The following TRIM44 variants were observed in gnomAD, a reference collection of about 807,000 sequenced individuals.
TRIM44 encodes the protein tripartite motif-containing protein 44.
Under a neutral mutation model 37.4 loss-of-function variants are expected in TRIM44, and 13 were observed. That is an observed-to-expected ratio of 0.35 (90% CI 0.23 to 0.55). The LOEUF is 0.55. TRIM44 is among the 20% of genes least tolerant of loss of function. The pLI is 0.89. For synonymous variants in TRIM44, 175 were observed against 157.2 expected, an observed-to-expected ratio of 1.11 and a Z score of -0.85; for missense variants, 426 against 437.2, an observed-to-expected ratio of 0.97 and a Z score of 0.23.
intron 2 of TRIM44, among the ~76,000 whole-genome samples, chr11:35,688,518 A>G (rs1851605908): frequency 6.6e-6 from 1 of 152,312 alleles, no homozygotes; most frequent in East Asian, 1.9e-4. Context: ...TCTATGTAGT[A>G]CCTTTTCAAA....
chr11:35,688,328 T>G (rs1851603999), intron 2 of TRIM44, among the ~76,000 whole-genome samples: 1 of 152,206 alleles, frequency 6.6e-6, no homozygotes, highest in Non-Finnish European at 1.5e-5. Flanking sequence ...AATGAGTTAA[T>G]TTTTACCTCT....
chr11:35,790,336 C>T (rs980501946), intron 4 of TRIM44, among the ~76,000 whole-genome samples: 1 of 152,178 alleles, frequency 6.6e-6, no homozygotes, highest in Non-Finnish European at 1.5e-5. Flanking sequence ...GGACTTTAGG[C>T]TTAATGGCTT....
At chr11:35,734,790 C>A (rs1188152292) in intron 3 of TRIM44, among the ~76,000 whole-genome samples, 1 of 152,110 alleles carries the variant, frequency 6.6e-6, no homozygotes, top group African/African-American at 2.4e-5. Flanking sequence ...AAGAGAAGAG[C>A]CATTGTTTGA....
intron 4 of TRIM44, among the ~76,000 whole-genome samples, chr11:35,771,111 T>G (rs1852863835): frequency 6.6e-6 from 1 of 152,120 alleles, no homozygotes; most frequent in Non-Finnish European, 1.5e-5. Flanking sequence ...TGGAACAGTT[T>G]GGAGGGCTCA....
chr11:35,703,541 C>A (rs1851828463), intron 2 of TRIM44, among the ~76,000 whole-genome samples: 2 of 152,280 alleles, frequency 1.3e-5, no homozygotes, highest in South Asian at 4.1e-4. Context: ...CCTCACACGG[C>A]CGGGTACTCC....
At chr11:35,775,865 G>A (rs11517926) in intron 4 of TRIM44, among the ~76,000 whole-genome samples, 7 of 152,128 alleles carry the variant, frequency 4.6e-5, no homozygotes, top group Non-Finnish European at 1.0e-4. Context: ...TGCTGGATTC[G>A]GTTTGCCAGT....
intron 4 of TRIM44, among the ~76,000 whole-genome samples, chr11:35,747,851 T>C (rs1408983797): frequency 6.7e-6 from 1 of 148,374 alleles, no homozygotes; most frequent in Non-Finnish European, 1.5e-5. Flanking sequence ...AGCAGTTTAA[T>C]TCCAGAACTG....
chr11:35,763,665 C>T (rs1852757164), intron 4 of TRIM44, among the ~76,000 whole-genome samples: 1 of 152,146 alleles, frequency 6.6e-6, no homozygotes, highest in South Asian at 2.1e-4. Context: ...GGGAGTGGTG[C>T]TATTGGGAGG....
rs544211526 is a variant in TRIM44, at chr11:35,814,528, C to G, written c.*8143C>G. 2 of 152,244 alleles carry G rather than the reference C, an allele frequency of 1.3e-5. No homozygotes were observed. The highest frequency in any genetic ancestry group is 4.8e-5 in the African/African-American group (2 of 41,550). The allele number at this position is 152,244 out of a possible 1,614,324, so 9.4% of individuals were successfully genotyped here. A position where few individuals can be genotyped will look rare whatever the true frequency, so the allele number is the denominator to read the frequency against. On this transcript the variant is annotated 3_prime_UTR_variant, in exon 5 of 5. Transcript: ENST00000299413. ...GTAACCTGGCCCTGATCTGATGACG[C>G]TAAGATTTAAAAACCCAGATGCATG...
chr11:35,704,754 G>C (rs1851850028), intron 2 of TRIM44, among the ~76,000 whole-genome samples: 1 of 152,178 alleles, frequency 6.6e-6, no homozygotes, highest in Non-Finnish European at 1.5e-5. Flanking sequence ...AAGAGCTCCT[G>C]AAGGAAGCAC....
At chr11:35,684,408 TC>T (rs1851551418) in intron 1 of TRIM44, among the ~76,000 whole-genome samples, 1 of 152,216 alleles carries the variant, frequency 6.6e-6, no homozygotes, top group Admixed American at 6.5e-5. Flanking sequence ...CTCACATTAG[TC>T]TTTTATTGTA....
At chr11:35,795,877 G>A (rs1254614253) in intron 4 of TRIM44, among the ~76,000 whole-genome samples, 1 of 152,140 alleles carries the variant, frequency 6.6e-6, no homozygotes, top group Non-Finnish European at 1.5e-5. Flanking sequence ...AATGTTTTGA[G>A]CACTTATTGT....
chr11:35,712,196 G>A (rs1028192410), intron 2 of TRIM44, among the ~76,000 whole-genome samples: 1 of 152,132 alleles, frequency 6.6e-6, no homozygotes, highest in African/African-American at 2.4e-5. Context: ...GGAGTGTGTA[G>A]TTGTGTGTCC....
intron 1 of TRIM44, among the ~76,000 whole-genome samples, chr11:35,669,295 C>A (rs955783576): frequency 1.3e-5 from 2 of 152,102 alleles, no homozygotes; most frequent in Admixed American, 1.3e-4. Flanking sequence ...TTGCCCACAT[C>A]TTAGAGATTT....
intron 2 of TRIM44, among the ~76,000 whole-genome samples, chr11:35,685,670 CTT>C (rs1386402558): frequency 6.8e-6 from 1 of 147,402 alleles, no homozygotes; most frequent in Non-Finnish European, 1.5e-5. Context: ...TACAGATCAT[CTT>C]TTTTTTTTTG....
intron 1 of TRIM44, among the ~76,000 whole-genome samples, chr11:35,669,457 T>C (rs1157753309): frequency 1.2e-5 from 1 of 80,120 alleles, no homozygotes; most frequent in Non-Finnish European, 2.5e-5. Flanking sequence ...AAGGATCCCC[T>C]TTATTTATTT....
chr11:35,707,219 C>G lies in TRIM44; in HGVS notation c.748-18705C>G, dbSNP rs189904641. Among the ~76,000 whole-genome samples, 96 of 152,204 alleles carry G rather than the reference C, an allele frequency of 6.3e-4. 2 individuals carry two copies. In the East Asian group the frequency reaches 0.018, roughly 29 times the overall value. ...TCCAACTTACAAGGGACGTGAAGGACCTCTTCAAGGAGAACTACAAACCAC... is the reference window on the plus strand; with the variant it reads ...TCCAACTTACAAGGGACGTGAAGGAGCTCTTCAAGGAGAACTACAAACCAC... On this transcript the variant is annotated intron_variant, in intron 2 of 4. Coordinates refer to ENST00000299413, the MANE Select transcript of TRIM44 (RefSeq NM_017583.6).
chr11:35,757,626 G>C (rs1852662703), intron 4 of TRIM44, among the ~76,000 whole-genome samples: 1 of 152,118 alleles, frequency 6.6e-6, no homozygotes, highest in African/African-American at 2.4e-5. Context: ...GCTTTCTCTT[G>C]TGGGCATTTA....
At chr11:35,728,689 A>G (rs1852216873) in intron 3 of TRIM44, among the ~76,000 whole-genome samples, 1 of 152,198 alleles carries the variant, frequency 6.6e-6, no homozygotes, top group Non-Finnish European at 1.5e-5. Flanking sequence ...TTTATCAAAA[A>G]TCACCTGCAT....
Sources: allele counts gnomAD v4.1 joint callset (sites outside exome capture counted in the v4.1 genomes callset), GRCh38; gene constraint gnomAD v4.1.1; transcripts MANE v1.5; gene names NCBI Gene and HGNC (gene_info 2026-07-23, HGNC 2026-07-21).